The following PACSIN1 variants were observed in gnomAD, a reference collection of about 807,000 sequenced individuals.
PACSIN1 encodes the protein protein kinase C and casein kinase substrate in neurons protein 1.
A neutral mutation model predicts 59.5 loss-of-function variants in PACSIN1; 15 were observed. That is an observed-to-expected ratio of 0.25 (90% CI 0.17 to 0.39). The LOEUF (loss-of-function observed/expected upper bound fraction) is 0.39, where lower values mean the gene tolerates loss of function less well. Ranked by LOEUF, PACSIN1 falls within the 10% of genes least tolerant of loss-of-function variation. The pLI is 1.00. For synonymous variants in PACSIN1, 210 were observed against 220.6 expected, an observed-to-expected ratio of 0.95 and a Z score of 0.42; for missense variants, 420 against 580.2, an observed-to-expected ratio of 0.72 and a Z score of 2.84.
intron 1 of PACSIN1, among the ~76,000 whole-genome samples, chr6:34,493,273 C>T (rs1258402911): frequency 6.6e-6 from 1 of 152,216 alleles, no homozygotes; most frequent in Non-Finnish European, 1.5e-5. Context: ...TGGGGTGGCA[C>T]AGGGCATAAC....
intron 1 of PACSIN1, among the ~76,000 whole-genome samples, chr6:34,467,622 G>A (rs1189853940): frequency 2.2e-5 from 3 of 136,800 alleles, no homozygotes; most frequent in Non-Finnish European, 4.6e-5. Context: ...GCAATGGCAC[G>A]ATCTCAGCTC....
rs1767584749 is a variant in PACSIN1 at position 34,531,001 on chromosome 6, CT to C, written c.1037+415del. Among the ~76,000 whole-genome samples, 1 of 152,204 alleles carries C rather than the reference CT, an allele frequency of 6.6e-6. No individual in the cohort carries two copies. The highest frequency in any genetic ancestry group is 6.5e-5 in the Admixed American group (1 of 15,288). Reference sequence around the variant, plus strand: ...TCCCTCGCCTGTCACTCACCTCCTGCTGTGCTGCCTGGTTCCTAACAGGCCA... The same window carrying C: ...TCCCTCGCCTGTCACTCACCTCCTGCGTGCTGCCTGGTTCCTAACAGGCCA... On this transcript the variant is annotated intron_variant, in intron 8 of 9. Transcript: ENST00000244458. The surrounding 1 kb of genome is among the most constrained non-coding windows in gnomAD (Gnocchi z 4.4).
At chr6:34,523,778 G>T (rs1767437645) in intron 1 of PACSIN1, among the ~76,000 whole-genome samples, 1 of 152,186 alleles carries the variant, frequency 6.6e-6, no homozygotes, top group African/African-American at 2.4e-5. Context: ...GGGGTGTGAG[G>T]TTAGTTTGGA....
In PACSIN1 at chr6:34,531,663, C is replaced by T. The variant is rs1767595967; in HGVS notation, c.1101C>T (p.Asn367=). The T allele has an allele frequency of 6.2e-7, 1 of 1,614,014 alleles. No individual in the cohort carries two copies. Among genetic ancestry groups the T allele is most frequent in the Non-Finnish European group, 8.5e-7 (1 of 1,180,012 alleles). Residue 367 remains asparagine, a synonymous_variant, in exon 9 of 10, where the codon AAC becomes AAT. Transcript: ENST00000244458. The surrounding 1 kb of genome is among the most constrained non-coding windows in gnomAD (Gnocchi z 4.4). ...ATEWSDDESG[N]PFGGSETNGG... ...AGTGGTCAGACGACGAGAGTGGGAACCCCTTTGGGGGCAGTGAGACCAACG... is the reference window on the plus strand; with the variant it reads ...AGTGGTCAGACGACGAGAGTGGGAATCCCTTTGGGGGCAGTGAGACCAACG...
chr6:34,525,717 AC>A lies in PACSIN1; in HGVS notation c.-63-523del, dbSNP rs1335753590. Among the ~76,000 whole-genome samples the A allele has an allele frequency of 6.6e-6, 1 of 151,568 alleles. No homozygotes were observed. The highest frequency in any genetic ancestry group is 1.5e-5 in the Non-Finnish European group (1 of 67,920). ...GGCAGCGCACGGCCTAGATTGGATA[AC>A]CCTGATGCCTGCCGACAGATCCAGG... On this transcript the variant is annotated intron_variant, in intron 1 of 9. Coordinates refer to ENST00000244458, the MANE Select transcript of PACSIN1 (RefSeq NM_020804.5). The surrounding 1 kb of genome is among the most constrained non-coding windows in gnomAD (Gnocchi z 4.9).
At position 34,506,964 on chromosome 6, in the gene PACSIN1, C is replaced by T. The variant is rs565657963; in HGVS notation, c.-63-19279C>T. Among the ~76,000 whole-genome samples, 12 of 152,280 alleles carry T rather than the reference C, an allele frequency of 7.9e-5. No homozygotes were observed. In the South Asian group the frequency reaches 1.7e-3, roughly 21 times the overall value. The stretch of plus-strand genomic sequence containing the variant: ...TTACGGCCAGGCAAGGCTCCCCACC[C>T]GGCCTTTCCTCACAGGGGAGCATGG... On this transcript the variant is annotated intron_variant, in intron 1 of 9. Coordinates refer to ENST00000244458, the MANE Select transcript of PACSIN1 (RefSeq NM_020804.5).
At chr6:34,523,236 A>G (rs73746675) in intron 1 of PACSIN1, among the ~76,000 whole-genome samples, 18,405 of 152,282 alleles carry the variant, frequency 0.12, 1,853 homozygotes, top group African/African-American at 0.27. Context: ...TGCACCGTGC[A>G]TGGGACATTC....
At chr6:34,474,052 T>C (rs905891698) in intron 1 of PACSIN1, among the ~76,000 whole-genome samples, 1 of 152,238 alleles carries the variant, frequency 6.6e-6, no homozygotes, top group African/African-American at 2.4e-5. Flanking sequence ...CTTAGTCTCT[T>C]TCAATCCACA....
At chr6:34,523,073 G>A (rs1767422958) in intron 1 of PACSIN1, among the ~76,000 whole-genome samples, 1 of 152,160 alleles carries the variant, frequency 6.6e-6, no homozygotes, top group African/African-American at 2.4e-5. Flanking sequence ...ATCCCATCAA[G>A]CTGACCCCTG....
At chr6:34,467,747 G>A (rs943151838) in intron 1 of PACSIN1, among the ~76,000 whole-genome samples, 3 of 151,920 alleles carry the variant, frequency 2.0e-5, no homozygotes, top group African/African-American at 4.8e-5. Flanking sequence ...TAGTAGAGAC[G>A]GGGTTTCTCC....
At position 34,530,184 on chromosome 6, in the gene PACSIN1, G is replaced by A. The variant is rs1767564970; in HGVS notation, c.789-59G>A. On this transcript the variant is annotated intron_variant, in intron 6 of 9. Coordinates refer to ENST00000244458, the MANE Select transcript of PACSIN1 (RefSeq NM_020804.5). This position sits in a 1 kb window ranked among gnomAD's most constrained non-coding sequence, Gnocchi z 4.4. ...GAGTGGACTCTGGCCTCTCACCAAG[G>A]TTGAGGAGGGGCCATGTTGAATCTG... 6.4e-7 allele frequency: 1 copy of A among 1,554,308 alleles called. No individual in the cohort carries two copies. The highest frequency in any genetic ancestry group is 1.4e-5 in the African/African-American group (1 of 73,850).
intron 1 of PACSIN1, among the ~76,000 whole-genome samples, chr6:34,467,385 A>T (rs7773328): frequency 0.3 from 45,132 of 152,040 alleles, 7,712 homozygotes; most frequent in African/African-American, 0.47. Flanking sequence ...TGGCACCAAG[A>T]AAATATCTTG....
intron 1 of PACSIN1, among the ~76,000 whole-genome samples, chr6:34,502,120 C>T (rs1767034516): frequency 6.6e-6 from 1 of 152,042 alleles, no homozygotes; most frequent in South Asian, 2.1e-4. Flanking sequence ...TCACACCCAC[C>T]TGTGAACACT....
At position 34,488,657 on chromosome 6, in the gene PACSIN1, G is replaced by A. The variant is rs1156714542; in HGVS notation, c.-64+22387G>A. ...AGCACCATACAGTAGTCATTAGAGTGTGTGCCATGTTCCAGAAGACAGCTC... is the reference window on the plus strand; with the variant it reads ...AGCACCATACAGTAGTCATTAGAGTATGTGCCATGTTCCAGAAGACAGCTC... On this transcript the variant is annotated intron_variant, in intron 1 of 9. Coordinates refer to ENST00000244458, the MANE Select transcript of PACSIN1 (RefSeq NM_020804.5). The surrounding 1 kb of genome is among the most constrained non-coding windows in gnomAD (Gnocchi z 4.7). Among the ~76,000 whole-genome samples the A allele has an allele frequency of 6.6e-6, 1 of 152,152 alleles. No homozygotes were observed. Among genetic ancestry groups the A allele is most frequent in the South Asian group, 2.1e-4 (1 of 4,818 alleles).
intron 1 of PACSIN1, among the ~76,000 whole-genome samples, chr6:34,492,553 T>G (rs112190231): frequency 2.6e-5 from 4 of 152,056 alleles, no homozygotes; most frequent in African/African-American, 9.7e-5. Flanking sequence ...CCAGCTAATT[T>G]TGTATTTTTG....
chr6:34,492,902 C>A (rs1379222211), intron 1 of PACSIN1, among the ~76,000 whole-genome samples: 1 of 152,158 alleles, frequency 6.6e-6, no homozygotes, highest in Non-Finnish European at 1.5e-5. Flanking sequence ...ATGTAACAAA[C>A]CTGCACGTGT....
intron 1 of PACSIN1, among the ~76,000 whole-genome samples, chr6:34,490,537 C>A (rs976027580): frequency 8.5e-5 from 13 of 152,174 alleles, no homozygotes; most frequent in African/African-American, 3.1e-4. Context: ...TGAGCCTGCC[C>A]TTCTGATGAC....
intron 1 of PACSIN1, among the ~76,000 whole-genome samples, chr6:34,474,871 C>T (rs559010560): frequency 1.8e-4 from 28 of 151,366 alleles, no homozygotes; most frequent in African/African-American, 6.5e-4. Context: ...CAGACCTTCT[C>T]TCATACATCC....
chr6:34,504,246 ATGTGTG>A (rs372732742), intron 1 of PACSIN1, among the ~76,000 whole-genome samples: 25 of 107,816 alleles, frequency 2.3e-4, no homozygotes, highest in South Asian at 1.4e-3. Flanking sequence ...AGACAATGTT[ATGTGTG>A]TGTGTGTGTG....
Sources: gnomAD v4.1 joint callset for allele counts (sites outside exome capture counted in the v4.1 genomes callset) on GRCh38, gnomAD v4.1.1 for gene constraint, Gnocchi (gnomAD v3.1) non-coding constraint, MANE v1.5 for transcripts, NCBI Gene and HGNC (gene_info 2026-07-23, HGNC 2026-07-21) for gene names.